MAGI1: variants seen among roughly 807,000 people sequenced by gnomAD.
MAGI1 encodes the protein membrane-associated guanylate kinase, WW and PDZ domain-containing protein 1.
In MAGI1, 58 loss-of-function variants were observed where a neutral mutation model predicts 139.9. The observed-to-expected ratio is 0.41, with a 90% CI of 0.34 to 0.52. MAGI1 has a LOEUF of 0.52. Ranked by LOEUF, MAGI1 falls within the 20% of genes least tolerant of loss-of-function variation. The pLI is 0.12. For synonymous variants in MAGI1, 812 were observed against 737.9 expected (o/e 1.10, Z -1.63); for missense variants, 1,874 against 1,901.6 (o/e 0.99, Z 0.27).
At chr3:65,661,514 C>A (rs1011631482) in intron 1 of MAGI1, among the ~76,000 whole-genome samples, 2 of 152,092 alleles carry the variant, frequency 1.3e-5, no homozygotes, top group African/African-American at 4.8e-5. Context: ...CTGAGACTAT[C>A]GTCAAGATGT....
At chr3:65,609,053 G>C (rs914990047) in intron 2 of MAGI1, among the ~76,000 whole-genome samples, 1 of 152,160 alleles carries the variant, frequency 6.6e-6, no homozygotes, top group Non-Finnish European at 1.5e-5. Context: ...AATCCAGGGT[G>C]ATAGCATCAG....
chr3:65,484,818 C>G (rs1339712869), intron 3 of MAGI1, among the ~76,000 whole-genome samples: 1 of 152,166 alleles, frequency 6.6e-6, no homozygotes, highest in Non-Finnish European at 1.5e-5. Flanking sequence ...TCAAAGCTGT[C>G]CTTATCAGTT....
chr3:65,745,727 C>A (rs1419213784), intron 1 of MAGI1, among the ~76,000 whole-genome samples: 1 of 150,134 alleles, frequency 6.7e-6, no homozygotes, highest in Admixed American at 6.6e-5. Context: ...ATATTGAATT[C>A]TCTTTTGTTT....
chr3:65,377,304 T>C (rs1374241041), intron 17 of MAGI1, among the ~76,000 whole-genome samples: 1 of 152,182 alleles, frequency 6.6e-6, no homozygotes, highest in South Asian at 2.1e-4. Context: ...AAATTCAAGG[T>C]CTTGACTAAG....
intron 1 of MAGI1, among the ~76,000 whole-genome samples, chr3:65,659,332 AG>A (rs1350053253): frequency 6.6e-6 from 1 of 152,214 alleles, no homozygotes; most frequent in African/African-American, 2.4e-5. Context: ...TAGCTACAAA[AG>A]CTATGAGTTG....
intron 1 of MAGI1, among the ~76,000 whole-genome samples, chr3:65,772,818 T>C (rs2038065193): frequency 6.6e-6 from 1 of 152,210 alleles, no homozygotes; most frequent in African/African-American, 2.4e-5. Flanking sequence ...CACAGGCTGA[T>C]GAGAATTTCT....
At chr3:65,733,473 C>G (rs72908210) in intron 1 of MAGI1, among the ~76,000 whole-genome samples, 330 of 152,280 alleles carry the variant, frequency 2.2e-3, no homozygotes, top group Middle Eastern at 0.014. Context: ...AATGAAATAT[C>G]TTGAAGATTT....
chr3:65,455,163 G>C (rs967230256), intron 5 of MAGI1, among the ~76,000 whole-genome samples: 1 of 152,092 alleles, frequency 6.6e-6, no homozygotes, highest in African/African-American at 2.4e-5. Context: ...TTAAAAGAAA[G>C]AAGAGAGATC....
chr3:65,514,789 C>A (rs997427674), intron 2 of MAGI1, among the ~76,000 whole-genome samples: 55 of 147,216 alleles, frequency 3.7e-4, no homozygotes, highest in African/African-American at 1.4e-3. Flanking sequence ...TACCATTTGA[C>A]CCAGCCATCC....
intron 2 of MAGI1, among the ~76,000 whole-genome samples, chr3:65,508,349 A>G (rs2077393233): frequency 1.3e-5 from 2 of 152,096 alleles, no homozygotes. Flanking sequence ...GCTTGCAGTG[A>G]GCCGAGATTG....
intron 9 of MAGI1, among the ~76,000 whole-genome samples, chr3:65,438,361 C>G (rs1947991817): frequency 6.6e-6 from 1 of 152,026 alleles, no homozygotes; most frequent in Non-Finnish European, 1.5e-5. Flanking sequence ...GAATAACAGA[C>G]CATGGCAACT....
intron 1 of MAGI1, among the ~76,000 whole-genome samples, chr3:66,017,363 C>T (rs538378820): frequency 2.0e-5 from 3 of 152,238 alleles, no homozygotes; most frequent in Non-Finnish European, 4.4e-5. Flanking sequence ...AAGGCACCAA[C>T]GTCTCCCTCC....
chr3:65,598,392 G>A (rs970546695), intron 2 of MAGI1, among the ~76,000 whole-genome samples: 1 of 152,184 alleles, frequency 6.6e-6, no homozygotes, highest in Non-Finnish European at 1.5e-5. Context: ...GGCGAGGGAA[G>A]GGGCGTGACT....
At chr3:65,626,353 C>G (rs2107110201) in intron 1 of MAGI1, among the ~76,000 whole-genome samples, 1 of 152,210 alleles carries the variant, frequency 6.6e-6, no homozygotes, top group Non-Finnish European at 1.5e-5. Flanking sequence ...GAGACAGAGT[C>G]TTACCCTATC....
At chr3:65,879,323 G>A (rs1251198016) in intron 1 of MAGI1, among the ~76,000 whole-genome samples, 1 of 152,038 alleles carries the variant, frequency 6.6e-6, no homozygotes, top group Non-Finnish European at 1.5e-5. Flanking sequence ...GCTAAGGACA[G>A]TGGAAGACCT....
rs534388085 is a variant in MAGI1, at chr3:65,933,452, A to G, written c.313+104544T>C. On this transcript the variant is annotated intron_variant, in intron 1 of 22. Coordinates refer to ENST00000402939, the MANE Select transcript of MAGI1 (RefSeq NM_001033057.2). ...TCTCATTGGTTGCTTGTCTGTCCTCATACTATAGCAGCTAGCCTTCCCCAG... is the reference window on the plus strand; with the variant it reads ...TCTCATTGGTTGCTTGTCTGTCCTCGTACTATAGCAGCTAGCCTTCCCCAG... Among the ~76,000 whole-genome samples, 3 of 152,314 alleles carry G rather than the reference A, an allele frequency of 2.0e-5. No homozygotes were observed. The South Asian group carries it at 6.2e-4, about 32-fold the overall frequency.
intron 2 of MAGI1, among the ~76,000 whole-genome samples, chr3:65,515,991 G>A (rs964458920): frequency 8.5e-5 from 13 of 152,150 alleles, no homozygotes; most frequent in African/African-American, 3.1e-4. Flanking sequence ...TGAAATAGCA[G>A]AAATTATCAA....
At chr3:65,923,368 G>A (rs975217127) in intron 1 of MAGI1, among the ~76,000 whole-genome samples, 2 of 151,808 alleles carry the variant, frequency 1.3e-5, no homozygotes, top group South Asian at 2.1e-4. Flanking sequence ...TAGGACTACA[G>A]GCGCGCACCA....
intron 1 of MAGI1, among the ~76,000 whole-genome samples, chr3:65,846,806 C>T (rs1053783178): frequency 6.6e-6 from 1 of 151,998 alleles, no homozygotes; most frequent in Non-Finnish European, 1.5e-5. Context: ...TGGTCTTAGC[C>T]ATTATACCAC....
Sources: allele counts gnomAD v4.1 joint callset (sites outside exome capture counted in the v4.1 genomes callset), GRCh38; gene constraint gnomAD v4.1.1; transcripts MANE v1.5; gene names NCBI Gene and HGNC (gene_info 2026-07-23, HGNC 2026-07-21).